Variants in NXPE4 observed in about 807,000 individuals in gnomAD.
NXPE4 encodes the protein NXPE family member 4.
In NXPE4, 42 loss-of-function variants were observed where a neutral mutation model predicts 33.3. The ratio of observed to expected loss-of-function variants is 1.26; its 90% CI spans 0.98 to 1.63. NXPE4 has a LOEUF of 1.63. Among genes scored for constraint, NXPE4 ranks in the 40% most tolerant of loss-of-function variants. The pLI is 0.00. For synonymous variants in NXPE4, 253 were observed against 234.9 expected (o/e 1.08, Z -0.71); for missense variants, 709 against 647.6 (o/e 1.09, Z -1.03).
chr11:114,605,157 GATA>G, the NXPE4 span, among the ~76,000 whole-genome samples: 2 of 151,986 alleles, frequency 1.3e-5, no homozygotes, highest in Admixed American at 6.6e-5. Flanking sequence ...GTTTCCCAGG[GATA>G]ATAAGTGTTG....
chr11:114,580,144 C>T lies in NXPE4; in HGVS notation c.1087G>A (p.Ala363Thr), dbSNP rs758909880. Reference protein sequence around the residue: ...TIRQWMEYFKASINTLKSVDL... With the variant: ...TIRQWMEYFKTSINTLKSVDL... The stretch of plus-strand genomic sequence containing the variant: ...GACTGAGGCATACTGTTGATACTGG[C>T]TTTGAAGTATTCCATCCACTGGCGG... The change falls in exon 5 of 6, where the codon GCC (alanine) becomes ACC (threonine). Residue 363 changes from alanine (A) to threonine (T), a missense_variant. Transcript: ENST00000375478. 2 of 1,613,566 alleles carry T rather than the reference C, an allele frequency of 1.2e-6. No individual in the cohort carries two copies. The highest frequency in any genetic ancestry group is 8.5e-7 in the Non-Finnish European group (1 of 1,179,466).
At chr11:114,650,946 A>C in the NXPE4 span, among the ~76,000 whole-genome samples, 2 of 152,170 alleles carry the variant, frequency 1.3e-5, no homozygotes, top group Non-Finnish European at 2.9e-5. Context: ...GGCTGAGAGC[A>C]CATCAGGAAG....
chr11:114,663,124 G>C, the NXPE4 span, among the ~76,000 whole-genome samples: 17 of 152,266 alleles, frequency 1.1e-4, no homozygotes, highest in Admixed American at 2.6e-4. Flanking sequence ...TGACTGAAGA[G>C]CCCTTGGGCC....
chr11:114,631,918 T>C, the NXPE4 span, among the ~76,000 whole-genome samples: 32 of 151,296 alleles, frequency 2.1e-4, no homozygotes, highest in Non-Finnish European at 4.0e-4. Context: ...GTCACTACTG[T>C]TACCCGGTGG....
At chr11:114,586,229 C>A (rs1341873991) in intron 2 of NXPE4, among the ~76,000 whole-genome samples, 1 of 152,158 alleles carries the variant, frequency 6.6e-6, no homozygotes, top group East Asian at 1.9e-4. Flanking sequence ...TTTCTTTTGC[C>A]TGTTAAACCT....
At chr11:114,617,446 G>A in the NXPE4 span, among the ~76,000 whole-genome samples, 784 of 151,390 alleles carry the variant, frequency 5.2e-3, 5 homozygotes, top group African/African-American at 0.017. Flanking sequence ...GTATTGCCTC[G>A]TGGATAACCA....
At chr11:114,590,982 G>C (rs896141883) in intron 2 of NXPE4, among the ~76,000 whole-genome samples, 1 of 152,156 alleles carries the variant, frequency 6.6e-6, no homozygotes, top group African/African-American at 2.4e-5. Context: ...TCCTCCCCAA[G>C]AAAACTGGGG....
the NXPE4 span, among the ~76,000 whole-genome samples, chr11:114,669,211 C>G: frequency 5.9e-5 from 9 of 152,204 alleles, no homozygotes; most frequent in Middle Eastern, 3.4e-3. Context: ...GATTTAAAGT[C>G]TTTGGAAATT....
chr11:114,642,304 G>A, the NXPE4 span, among the ~76,000 whole-genome samples: 1 of 152,008 alleles, frequency 6.6e-6, no homozygotes, highest in Non-Finnish European at 1.5e-5. Flanking sequence ...CTGACCATGA[G>A]CAGTGGTTTG....
At chr11:114,594,604 C>T in intron 2 of NXPE4, 60 bp downstream of exon 2, 1 of 1,073,972 alleles carries the variant, frequency 9.3e-7, no homozygotes, top group African/African-American at 1.6e-5. Context: ...TTTCCTAGAA[C>T]AGATGAGGTA....
the NXPE4 span, among the ~76,000 whole-genome samples, chr11:114,601,037 T>C: frequency 6.6e-6 from 1 of 152,012 alleles, no homozygotes; most frequent in African/African-American, 2.4e-5. Context: ...CAAGTTGCCA[T>C]CTGTACAAGT....
the NXPE4 span, among the ~76,000 whole-genome samples, chr11:114,640,507 A>C: frequency 3.3e-5 from 5 of 151,614 alleles, no homozygotes; most frequent in African/African-American, 1.2e-4. Context: ...GGTAGATCTA[A>C]TTATAGTTCT....
chr11:114,639,288 C>T, the NXPE4 span, among the ~76,000 whole-genome samples: 1 of 152,116 alleles, frequency 6.6e-6, no homozygotes, highest in Non-Finnish European at 1.5e-5. Context: ...AGGATATAAT[C>T]TCCTGGTGCA....
the NXPE4 span, among the ~76,000 whole-genome samples, chr11:114,631,917 G>A: frequency 6.6e-6 from 1 of 151,244 alleles, no homozygotes; most frequent in Non-Finnish European, 1.5e-5. Flanking sequence ...GGTCACTACT[G>A]TTACCCGGTG....
At chr11:114,616,185 T>C in the NXPE4 span, among the ~76,000 whole-genome samples, 52 of 151,662 alleles carry the variant, frequency 3.4e-4, no homozygotes, top group African/African-American at 1.2e-3. Context: ...TGATAAGTAA[T>C]GTCTCATGAG....
At chr11:114,620,173 T>G in the NXPE4 span, among the ~76,000 whole-genome samples, 2 of 152,034 alleles carry the variant, frequency 1.3e-5, no homozygotes, top group African/African-American at 4.8e-5. Context: ...TATTGCCTCA[T>G]GGGTAACCAC....
the NXPE4 span, among the ~76,000 whole-genome samples, chr11:114,633,253 A>G: frequency 0.18 from 23,972 of 134,554 alleles, 2,549 homozygotes; most frequent in Non-Finnish European, 0.22. Flanking sequence ...AATATATAAT[A>G]TATAAGAATG....
chr11:114,583,520 C>A, intron 2 of NXPE4: 1 of 612,236 alleles, frequency 1.6e-6, no homozygotes, highest in South Asian at 1.4e-5. Flanking sequence ...GCACAGCAAG[C>A]GGATGCAGAG....
At chr11:114,650,694 CA>C in the NXPE4 span, among the ~76,000 whole-genome samples, 1 of 152,144 alleles carries the variant, frequency 6.6e-6, no homozygotes, top group Admixed American at 6.6e-5. Context: ...CTGCTACCAT[CA>C]TAAGTAGGGC....
Sources: allele counts gnomAD v4.1 joint callset (sites outside exome capture counted in the v4.1 genomes callset), GRCh38; gene constraint gnomAD v4.1.1; transcripts MANE v1.5; gene names NCBI Gene and HGNC (gene_info 2026-07-23, HGNC 2026-07-21).